CCSER1: variants seen among roughly 807,000 people sequenced by gnomAD.
CCSER1 encodes coiled-coil serine rich protein 1, also known as serine-rich coiled-coil domain-containing protein 1.
CCSER1 carries 41 observed loss-of-function variants against 82.0 expected under a neutral mutation model. The ratio of observed to expected loss-of-function variants is 0.50; its 90% CI spans 0.39 to 0.65. The LOEUF (loss-of-function observed/expected upper bound fraction) is 0.65. Ranked by LOEUF, CCSER1 falls within the 30% of genes least tolerant of loss-of-function variation. The pLI, the probability that CCSER1 is intolerant of heterozygous loss-of-function variation, is 0.00. For missense variants in CCSER1, 1,119 were observed against 1,064.2 expected, an observed-to-expected ratio of 1.05 and a Z score of -0.72; for synonymous variants, 414 against 383.9, an observed-to-expected ratio of 1.08 and a Z score of -0.92.
intron 6 of CCSER1, among the ~76,000 whole-genome samples, chr4:90,690,483 A>T (rs1266609631): frequency 6.6e-6 from 1 of 152,062 alleles, no homozygotes; most frequent in East Asian, 1.9e-4. Flanking sequence ...CCACTGAAAG[A>T]ATTAATTATT....
chr4:90,471,736 A>T (rs1560571284), intron 5 of CCSER1, among the ~76,000 whole-genome samples: 1 of 151,784 alleles, frequency 6.6e-6, no homozygotes, highest in Non-Finnish European at 1.5e-5. Flanking sequence ...GCACTTTGGG[A>T]GGCCGAGGCG....
intron 10 of CCSER1, among the ~76,000 whole-genome samples, chr4:91,442,956 T>C (rs1755287762): frequency 6.6e-6 from 1 of 152,086 alleles, no homozygotes; most frequent in Non-Finnish European, 1.5e-5. Flanking sequence ...TGGCAATCAT[T>C]AAAAAGTCAG....
intron 1 of CCSER1, among the ~76,000 whole-genome samples, chr4:90,203,045 A>G (rs1288259788): frequency 6.6e-6 from 1 of 152,228 alleles, no homozygotes; most frequent in East Asian, 1.9e-4. Flanking sequence ...AAGTATAATT[A>G]CTTAACACTC....
intron 10 of CCSER1, among the ~76,000 whole-genome samples, chr4:91,562,139 CAA>C (rs1321718522): frequency 6.6e-6 from 1 of 151,258 alleles, no homozygotes; most frequent in Non-Finnish European, 1.5e-5. Flanking sequence ...CACATTTTAC[CAA>C]AGTTATTTTC....
At chr4:90,948,502 T>G (rs1474698289) in intron 9 of CCSER1, among the ~76,000 whole-genome samples, 1 of 151,856 alleles carries the variant, frequency 6.6e-6, no homozygotes, top group Non-Finnish European at 1.5e-5. Flanking sequence ...CAAAGATTTA[T>G]AAATACGAGA....
chr4:91,354,826 C>T (rs186714444), intron 10 of CCSER1, among the ~76,000 whole-genome samples: 14 of 152,192 alleles, frequency 9.2e-5, no homozygotes, highest in South Asian at 2.1e-4. Context: ...GCTACATGCT[C>T]GGCTAATTGC....
intron 5 of CCSER1, among the ~76,000 whole-genome samples, chr4:90,569,342 G>A (rs772174093): frequency 6.6e-6 from 1 of 152,172 alleles, no homozygotes; most frequent in Non-Finnish European, 1.5e-5. Flanking sequence ...GCTCTGGACT[G>A]ATTGGCAAAA....
chr4:91,126,073 A>T (rs1295064919), intron 10 of CCSER1, among the ~76,000 whole-genome samples: 1 of 151,706 alleles, frequency 6.6e-6, no homozygotes, highest in Non-Finnish European at 1.5e-5. Context: ...ATAAGTTAGT[A>T]TGAGACTTAT....
intron 10 of CCSER1, among the ~76,000 whole-genome samples, chr4:91,353,196 G>A (rs1343871366): frequency 2.0e-5 from 3 of 152,112 alleles, no homozygotes; most frequent in Admixed American, 6.6e-5. Context: ...CAGGAGCGTC[G>A]GCAAGCTACT....
chr4:90,879,624 G>T (rs71611404), intron 8 of CCSER1, among the ~76,000 whole-genome samples: 2 of 144,350 alleles, frequency 1.4e-5, no homozygotes, highest in Non-Finnish European at 3.1e-5. Context: ...AGGAGGAGGA[G>T]GAGGAAAGAA....
At chr4:91,501,597 C>T (rs116776694) in intron 10 of CCSER1, among the ~76,000 whole-genome samples, 2,815 of 151,936 alleles carry the variant, frequency 0.019, 75 homozygotes, top group African/African-American at 0.061. Flanking sequence ...ACTTTAATTT[C>T]TCCTTGCATA....
rs1185735470 is a variant in CCSER1 at position 90,932,979 on chromosome 4, AAAG to A, written c.2172+9534_2172+9536del. ...GAAAGAAAGAAAGAAAGAAAGAAAG[AAAG>A]AGAAAGAAAGAAAGAAAGAAAGAAA... is the stretch of plus-strand genomic sequence containing the variant. On this transcript the variant is annotated intron_variant, in intron 9 of 10. Coordinates refer to ENST00000509176, the MANE Select transcript of CCSER1 (RefSeq NM_001145065.2). Among the ~76,000 whole-genome samples the A allele has an allele frequency of 1.0e-4, 4 of 38,664 alleles. 1 individual carries two copies. The highest frequency in any genetic ancestry group is 6.3e-4 in the South Asian group (1 of 1,598). 25.4% of individuals were successfully genotyped at this position (38,664 alleles called of 152,430 possible).
intron 1 of CCSER1, among the ~76,000 whole-genome samples, chr4:90,225,801 T>C (rs2153423877): frequency 6.6e-6 from 1 of 152,346 alleles, no homozygotes; most frequent in East Asian, 1.9e-4. Context: ...GCTACTGGTT[T>C]GATAACAGCT....
chr4:91,124,990 G>T (rs1167168698), intron 10 of CCSER1, among the ~76,000 whole-genome samples: 1 of 151,718 alleles, frequency 6.6e-6, no homozygotes, highest in Non-Finnish European at 1.5e-5. Flanking sequence ...GTGAAAGCAA[G>T]ATTAACATAC....
intron 1 of CCSER1, among the ~76,000 whole-genome samples, chr4:90,171,434 G>C (rs1250787763): frequency 6.6e-6 from 1 of 151,792 alleles, no homozygotes; most frequent in Non-Finnish European, 1.5e-5. Context: ...TCTTGTCTCA[G>C]CTTTGTTTTT....
chr4:90,620,879 T>C (rs1000112406), intron 5 of CCSER1, among the ~76,000 whole-genome samples: 4 of 152,186 alleles, frequency 2.6e-5, no homozygotes, highest in African/African-American at 9.7e-5. Context: ...AGTGGCGCGA[T>C]CTCAGCTCAC....
intron 9 of CCSER1, among the ~76,000 whole-genome samples, chr4:90,926,835 C>T (rs1248131876): frequency 6.6e-6 from 1 of 151,968 alleles, no homozygotes; most frequent in African/African-American, 2.4e-5. Flanking sequence ...AGAATAATTT[C>T]TTAGGTGTCA....
intron 4 of CCSER1, among the ~76,000 whole-genome samples, chr4:90,407,245 A>G (rs1359985677): frequency 1.3e-5 from 2 of 152,250 alleles, no homozygotes; most frequent in African/African-American, 2.4e-5. Flanking sequence ...CTTTACACAC[A>G]TAAACTAGTG....
intron 1 of CCSER1, among the ~76,000 whole-genome samples, chr4:90,140,101 A>G (rs1230514257): frequency 6.6e-6 from 1 of 152,250 alleles, no homozygotes; most frequent in African/African-American, 2.4e-5. Flanking sequence ...TAATATGGTC[A>G]TCATTAATTG....
Sources: gnomAD v4.1 joint callset for allele counts (sites outside exome capture counted in the v4.1 genomes callset) on GRCh38, gnomAD v4.1.1 for gene constraint, MANE v1.5 for transcripts, NCBI Gene and HGNC (gene_info 2026-07-23, HGNC 2026-07-21) for gene names.